Variants in LRP1B observed in about 807,000 individuals in gnomAD.
LRP1B encodes the protein low-density lipoprotein receptor-related protein 1B.
A neutral mutation model predicts 556.6 loss-of-function variants in LRP1B; 217 were observed. That is an observed-to-expected ratio of 0.39 (90% CI 0.35 to 0.44). LRP1B has a LOEUF of 0.44. Among genes scored for constraint, LRP1B ranks in the 20% least tolerant of loss-of-function variants. The pLI is 1.00. For missense variants in LRP1B, 5,053 were observed against 5,620.8 expected (o/e 0.90, Z 3.23); for synonymous variants, 2,047 against 1,865.8 (o/e 1.10, Z -2.50).
At chr2:141,441,785 C>G (rs1194987193) in intron 3 of LRP1B, among the ~76,000 whole-genome samples, 1 of 152,130 alleles carries the variant, frequency 6.6e-6, no homozygotes, top group African/African-American at 2.4e-5. Flanking sequence ...TTGAACGCTA[C>G]AGTCTTGAAA....
At chr2:141,492,505 T>A (rs1463703722) in intron 2 of LRP1B, among the ~76,000 whole-genome samples, 5 of 152,080 alleles carry the variant, frequency 3.3e-5, no homozygotes, top group African/African-American at 1.2e-4. Flanking sequence ...ACAAAAGAAG[T>A]TGTTCATTGG....
chr2:140,776,256 A>T lies in LRP1B; in HGVS notation c.5360-18T>A, dbSNP rs745762944. ...TTTCTTATCTAGAAAAAGGAAAGATATTTTTTAAAGGAAAGTATAATTATC... is the reference window on the plus strand; with the variant it reads ...TTTCTTATCTAGAAAAAGGAAAGATTTTTTTTAAAGGAAAGTATAATTATC... On this transcript the variant is annotated intron_variant, in intron 32 of 90. Coordinates refer to ENST00000389484, the MANE Select transcript of LRP1B (RefSeq NM_018557.3). 2 of 1,544,680 alleles carry T rather than the reference A, an allele frequency of 1.3e-6. No individual in the cohort carries two copies. The highest frequency in any genetic ancestry group is 1.8e-6 in the Non-Finnish European group (2 of 1,142,274).
chr2:141,114,374 C>T (rs1405427394), intron 7 of LRP1B, among the ~76,000 whole-genome samples: 1 of 152,152 alleles, frequency 6.6e-6, no homozygotes, highest in Non-Finnish European at 1.5e-5. Flanking sequence ...TCAGGTCACT[C>T]AGACTTAGAT....
chr2:140,314,220 A>G (rs1684422922), intron 83 of LRP1B, among the ~76,000 whole-genome samples: 1 of 152,006 alleles, frequency 6.6e-6, no homozygotes, highest in Admixed American at 6.6e-5. Context: ...ATAGTTGCAT[A>G]ATATCCCTTG....
At chr2:141,081,036 T>C (rs1457032332) in intron 7 of LRP1B, among the ~76,000 whole-genome samples, 1 of 152,174 alleles carries the variant, frequency 6.6e-6, no homozygotes, top group Non-Finnish European at 1.5e-5. Context: ...TTTTGCCATG[T>C]TTCCCAGGCC....
chr2:140,255,141 AAC>A (rs1681620240), intron 86 of LRP1B, among the ~76,000 whole-genome samples: 1 of 152,204 alleles, frequency 6.6e-6, no homozygotes, highest in Non-Finnish European at 1.5e-5. Flanking sequence ...TTAGTCATAA[AAC>A]TCTTACCAGA....
At chr2:141,796,733 G>A (rs1695825730) in intron 2 of LRP1B, among the ~76,000 whole-genome samples, 1 of 151,750 alleles carries the variant, frequency 6.6e-6, no homozygotes, top group African/African-American at 2.4e-5. Flanking sequence ...ATTTTCTCTT[G>A]CATTTGCAGT....
intron 6 of LRP1B, among the ~76,000 whole-genome samples, chr2:141,218,385 AG>A (rs376754240): frequency 3.5e-4 from 53 of 152,326 alleles, no homozygotes; most frequent in African/African-American, 1.2e-3. Context: ...GAGTCAACCT[AG>A]GTGCCCATCA....
At chr2:140,302,106 C>A (rs1683857364) in intron 83 of LRP1B, among the ~76,000 whole-genome samples, 1 of 152,042 alleles carries the variant, frequency 6.6e-6, no homozygotes, top group Admixed American at 6.6e-5. Context: ...TTATTGATTT[C>A]TCTTTTGTTT....
chr2:141,071,390 G>C (rs1207747639), intron 7 of LRP1B, among the ~76,000 whole-genome samples: 5 of 151,806 alleles, frequency 3.3e-5, no homozygotes, highest in Non-Finnish European at 7.4e-5. Context: ...CAAACCCACA[G>C]CCAATATCAT....
chr2:141,749,027 T>C (rs1329606970), intron 2 of LRP1B, among the ~76,000 whole-genome samples: 1 of 152,166 alleles, frequency 6.6e-6, no homozygotes, highest in East Asian at 1.9e-4. Flanking sequence ...AAATCTGTAA[T>C]CAATCTAAGA....
At chr2:141,145,707 A>G (rs112672321) in intron 7 of LRP1B, among the ~76,000 whole-genome samples, 8,548 of 150,708 alleles carry the variant, frequency 0.057, 324 homozygotes, top group South Asian at 0.12. Flanking sequence ...CTAATTTTGT[A>G]TTTTTAGTAG....
intron 84 of LRP1B, among the ~76,000 whole-genome samples, chr2:140,285,322 C>CATAT (rs1683099420): frequency 2.5e-5 from 2 of 80,438 alleles, no homozygotes; most frequent in African/African-American, 5.8e-5. Flanking sequence ...TACATACACA[C>CATAT]ACATATACAC....
rs1574047090 is a variant in LRP1B at position 141,074,429 on chromosome 2, A to G, written c.1014-12156T>C. Among the ~76,000 whole-genome samples, 5 of 152,052 alleles carry G rather than the reference A, an allele frequency of 3.3e-5. No homozygotes were observed. The Middle Eastern group carries it at 0.017, about 517-fold the overall frequency. On this transcript the variant is annotated intron_variant, in intron 7 of 90. Transcript: ENST00000389484. The stretch of plus-strand genomic sequence containing the variant: ...CTTATTTTACTTGCATAAAATAGAT[A>G]CAAACACATATAAAGTTGTTTAAAA...
rs550308719 is a variant in LRP1B at position 142,023,748 on chromosome 2, G to T, written c.82+106900C>A. Among the ~76,000 whole-genome samples the T allele has an allele frequency of 3.3e-5, 5 of 152,286 alleles. No individual in the cohort carries two copies. The South Asian group carries it at 1.0e-3, about 32-fold the overall frequency. ...TGTGAAGCTGATGGAAAGGTAGTTT[G>T]AGACTGGGATGGAGAGGTACTGGAT... On this transcript the variant is annotated intron_variant, in intron 1 of 90. Coordinates refer to ENST00000389484, the MANE Select transcript of LRP1B (RefSeq NM_018557.3).
chr2:142,096,435 T>C (rs1471087895), intron 1 of LRP1B, among the ~76,000 whole-genome samples: 1 of 137,208 alleles, frequency 7.3e-6, no homozygotes, highest in Non-Finnish European at 1.6e-5. Flanking sequence ...CGAAAATAAA[T>C]TGTATTTTTT....
At chr2:141,146,069 T>C (rs72976042) in intron 7 of LRP1B, among the ~76,000 whole-genome samples, 18,986 of 151,432 alleles carry the variant, frequency 0.13, 1,300 homozygotes, top group South Asian at 0.19. Context: ...GGCTTACAGG[T>C]GTATGCCACC....
intron 15 of LRP1B, among the ~76,000 whole-genome samples, chr2:141,004,818 A>G: frequency 6.6e-6 from 1 of 152,108 alleles, no homozygotes; most frequent in East Asian, 1.9e-4. Context: ...GATGCAGTAA[A>G]TTGAGAAATG....
At position 141,466,685 on chromosome 2, in the gene LRP1B, T is replaced by G. The variant is rs77122229; in HGVS notation, c.343+13711A>C. On this transcript the variant is annotated intron_variant, in intron 3 of 90. Coordinates refer to ENST00000389484, the MANE Select transcript of LRP1B (RefSeq NM_018557.3). ...ATATTTAGGGCTGCAGTGGCCATTT[T>G]TTGGCCATTTTGCTACCTTGAGGAT... is the stretch of plus-strand genomic sequence containing the variant. Among the ~76,000 whole-genome samples, 245 of 152,236 alleles carry G rather than the reference T, an allele frequency of 1.6e-3. 1 individual carries two copies. Among genetic ancestry groups the G allele is most frequent in the African/African-American group, 5.7e-3 (238 of 41,542 alleles).
Sources: allele counts gnomAD v4.1 joint callset (sites outside exome capture counted in the v4.1 genomes callset), GRCh38; gene constraint gnomAD v4.1.1; transcripts MANE v1.5; gene names NCBI Gene and HGNC (gene_info 2026-07-23, HGNC 2026-07-21).